The following TNS1 variants were observed in gnomAD, a reference collection of about 807,000 sequenced individuals.
The protein encoded by TNS1 is tensin 1.
A neutral mutation model predicts 168.6 loss-of-function variants in TNS1; 62 were observed. That is an observed-to-expected ratio of 0.37 (90% CI 0.30 to 0.45). The LOEUF (loss-of-function observed/expected upper bound fraction) is 0.45, where lower values mean the gene tolerates loss of function less well. Ranked by LOEUF, TNS1 falls within the 20% of genes least tolerant of loss-of-function variation. The probability of loss-of-function intolerance (pLI) is 1.00; values close to 1 mark genes in which losing one functional copy is unlikely to be tolerated. For synonymous variants in TNS1, 934 were observed against 933.2 expected (o/e 1.00, Z -0.02); for missense variants, 2,240 against 2,339.4 (o/e 0.96, Z 0.88).
At chr2:217,981,846 C>A (rs1958058419) in intron 2 of TNS1, among the ~76,000 whole-genome samples, 2 of 152,170 alleles carry the variant, frequency 1.3e-5, no homozygotes, top group African/African-American at 4.8e-5. Context: ...ATCTGCTGGC[C>A]TCTCACTTTC....
Position 217,880,646 on chromosome 2 carries a change from A to C in TNS1, c.1429+252T>G, listed in dbSNP as rs1225506918. On this transcript the variant is annotated intron_variant, in intron 18 of 32. Transcript: ENST00000682258. This position sits in a 1 kb window ranked among gnomAD's most constrained non-coding sequence, Gnocchi z 4.2. ...CCACGGAACTTACTTGGCTGTAGCAACACACTTCCACGATAACCCCCTTGT... is the reference window on the plus strand; with the variant it reads ...CCACGGAACTTACTTGGCTGTAGCACCACACTTCCACGATAACCCCCTTGT... 1.3e-5 allele frequency among the ~76,000 whole-genome samples: 2 copies of C among 152,178 alleles called. No homozygotes were observed. The highest frequency in any genetic ancestry group is 2.9e-5 in the Non-Finnish European group (2 of 68,038).
chr2:217,995,886 C>A lies in TNS1; in HGVS notation c.34-4830G>T, dbSNP rs1271415692. Among the ~76,000 whole-genome samples, 1 of 152,226 alleles carries A rather than the reference C, an allele frequency of 6.6e-6. No individual in the cohort carries two copies. The highest frequency in any genetic ancestry group is 1.9e-4 in the East Asian group (1 of 5,194). ...AGAGCTCTAGCCCCCACCCTGCCAC[C>A]AGCCCACCCAGCATCAGAGGGCTTT... On this transcript the variant is annotated intron_variant, in intron 1 of 32. Coordinates refer to ENST00000682258, the MANE Select transcript of TNS1 (RefSeq NM_001387777.1). This position sits in a 1 kb window ranked among gnomAD's most constrained non-coding sequence, Gnocchi z 4.1.
chr2:217,877,315 A>C (rs986266239), intron 18 of TNS1, among the ~76,000 whole-genome samples: 2 of 152,204 alleles, frequency 1.3e-5, no homozygotes, highest in African/African-American at 4.8e-5. Flanking sequence ...GATTATGGGT[A>C]TGGGTTCCGG....
At chr2:217,944,851 A>T (rs559679580) in intron 3 of TNS1, among the ~76,000 whole-genome samples, 20 of 152,364 alleles carry the variant, frequency 1.3e-4, no homozygotes, top group African/African-American at 4.6e-4. Flanking sequence ...CCATGATAAA[A>T]ATAATGGGGG....
chr2:218,024,520 T>C (rs895166669), intron 1 of TNS1, among the ~76,000 whole-genome samples: 1 of 152,004 alleles, frequency 6.6e-6, no homozygotes, highest in African/African-American at 2.4e-5. Context: ...CAGGGGACAG[T>C]CTGGACTGCT....
intron 3 of TNS1, among the ~76,000 whole-genome samples, chr2:217,955,999 T>A (rs958471404): frequency 1.3e-5 from 2 of 151,968 alleles, no homozygotes; most frequent in African/African-American, 4.8e-5. Context: ...GGGAGGGGTG[T>A]CCTTGGAACA....
chr2:217,807,609 G>A (rs1232909356), intron 32 of TNS1, among the ~76,000 whole-genome samples: 5 of 152,160 alleles, frequency 3.3e-5, no homozygotes, highest in South Asian at 4.1e-4. Context: ...GAATCCACCC[G>A]AAGGTCCCAG....
chr2:217,988,375 T>C (rs1345889028), intron 2 of TNS1, among the ~76,000 whole-genome samples: 2 of 152,090 alleles, frequency 1.3e-5, no homozygotes, highest in Non-Finnish European at 2.9e-5. Context: ...CCTAGAGCCA[T>C]GGAATGTGAG....
chr2:217,898,757 G>A (rs1952599095), intron 7 of TNS1, among the ~76,000 whole-genome samples: 1 of 152,246 alleles, frequency 6.6e-6, no homozygotes, highest in African/African-American at 2.4e-5. Context: ...CCGGAGAGGT[G>A]GGGAGGCCCC....
At chr2:217,998,237 C>G (rs916778651) in intron 1 of TNS1, among the ~76,000 whole-genome samples, 7 of 152,010 alleles carry the variant, frequency 4.6e-5, no homozygotes, top group Non-Finnish European at 8.8e-5. Context: ...CTCTCTCTCT[C>G]TCTCTCTCCT....
At chr2:218,010,472 C>T, upstream of TNS1, 1 of 332,004 alleles carries the variant, frequency 3.0e-6, no homozygotes, top group Admixed American at 4.9e-5. Flanking sequence ...CTTACACCCT[C>T]AGGGACTCTT....
intron 32 of TNS1, among the ~76,000 whole-genome samples, chr2:217,804,814 C>T (rs1938140107): frequency 1.3e-5 from 2 of 152,140 alleles, no homozygotes; most frequent in African/African-American, 4.8e-5. Flanking sequence ...AGTGTCCCAC[C>T]TTGTTTAAGG....
chr2:218,032,003 G>A lies in TNS1; in HGVS notation c.156+1817C>T, dbSNP rs535643013. 4.6e-5 allele frequency among the ~76,000 whole-genome samples: 7 copies of A among 152,334 alleles called. No individual in the cohort carries two copies. In the South Asian group the frequency reaches 8.3e-4, roughly 18 times the overall value. Reference sequence around the variant, plus strand: ...GAGCAAGGAGGCACGACTGGCACCCGGAGATGCCCGCCAGGCCCCTTGGCA... The same window carrying A: ...GAGCAAGGAGGCACGACTGGCACCCAGAGATGCCCGCCAGGCCCCTTGGCA... On this transcript the variant is annotated intron_variant, in intron 1 of 1. Transcript: ENST00000649572. The surrounding 1 kb of genome is among the most constrained non-coding windows in gnomAD (Gnocchi z 4.0).
At chr2:218,018,727 G>A (rs1051708566) in intron 1 of TNS1, among the ~76,000 whole-genome samples, 2 of 152,214 alleles carry the variant, frequency 1.3e-5, no homozygotes, top group Non-Finnish European at 2.9e-5. Flanking sequence ...TGGATAGAAA[G>A]GGGACAGACA....
chr2:217,944,483 A>G (rs1156738390), intron 3 of TNS1, among the ~76,000 whole-genome samples: 2 of 152,210 alleles, frequency 1.3e-5, no homozygotes, highest in East Asian at 3.9e-4. Context: ...GATGATGATA[A>G]TAATAATAAT....
intron 1 of TNS1, among the ~76,000 whole-genome samples, chr2:218,001,253 T>C (rs918637850): frequency 2.0e-5 from 3 of 151,786 alleles, no homozygotes; most frequent in African/African-American, 7.3e-5. Context: ...TCAGGGAGGG[T>C]ATAACACCCA....
At chr2:218,005,282 G>A (rs1188586986), upstream of TNS1, among the ~76,000 whole-genome samples, 1 of 152,196 alleles carries the variant, frequency 6.6e-6, no homozygotes, top group Non-Finnish European at 1.5e-5. Context: ...AAGTCACAGT[G>A]ACACCAACTT....
At position 217,847,840 on chromosome 2, in the gene TNS1, G is replaced by A; in HGVS notation, c.2677C>T (p.Pro893Ser). ...PLTQSRSGYI[P>S]SGHSLGTPEP... ...GGGGTTCCCAACGAATGCCCACTGG[G>A]GATATAGCCAGATCTGGACTGGGTC... is the stretch of plus-strand genomic sequence containing the variant. The change falls in exon 19 of 33, where the codon CCC (proline) becomes TCC (serine). Residue 893 changes from proline to serine, a missense_variant. Physicochemically the swap from Pro to Ser is moderately conservative, Grantham distance 74 (BLOSUM62 -1). Transcript: ENST00000682258. 3.8e-6 allele frequency: 6 copies of A among 1,591,434 alleles called. No homozygotes were observed. Among genetic ancestry groups the A allele is most frequent in the Non-Finnish European group, 5.2e-6 (6 of 1,161,556 alleles).
intron 18 of TNS1, among the ~76,000 whole-genome samples, chr2:217,867,380 G>A (rs769277108): frequency 7.9e-5 from 12 of 152,160 alleles, no homozygotes; most frequent in Admixed American, 2.6e-4. Context: ...TATGTGCAAC[G>A]CCATTCACTG....
Sources: allele counts gnomAD v4.1 joint callset (sites outside exome capture counted in the v4.1 genomes callset), GRCh38; gene constraint gnomAD v4.1.1; non-coding constraint Gnocchi (gnomAD v3.1); transcripts MANE v1.5; gene names NCBI Gene and HGNC (gene_info 2026-07-23, HGNC 2026-07-21).